The following ZMAT1 variants were observed in gnomAD, a reference collection of about 807,000 sequenced individuals.
ZMAT1 encodes zinc finger matrin-type protein 1.
A neutral mutation model predicts 18.5 loss-of-function variants in ZMAT1; 11 were observed. That is an observed-to-expected ratio of 0.59 (90% CI 0.37 to 0.98). ZMAT1 has a LOEUF of 0.98. Ranked by LOEUF, ZMAT1 falls within the 50% of genes least tolerant of loss-of-function variation. ZMAT1 has a pLI of 0.01. For missense variants in ZMAT1, 525 were observed against 496.2 expected, an observed-to-expected ratio of 1.06 and a Z score of -0.55; for synonymous variants, 211 against 176.4, an observed-to-expected ratio of 1.20 and a Z score of -1.55.
At chrX:101,904,072 C>T in intron 2 of ZMAT1, 152 bp downstream of exon 2, 2 of 406,586 alleles carry the variant, frequency 4.9e-6, no homozygotes, top group Non-Finnish European at 8.5e-6. Context: ...ATTACCATCC[C>T]TTTCTGAGCC....
chrX:101,899,253 A>C (rs1183252999), intron 2 of ZMAT1, among the ~76,000 whole-genome samples: 1 of 111,914 alleles, frequency 8.9e-6, no homozygotes, highest in Non-Finnish European at 1.9e-5. Context: ...TCCTGAGCAC[A>C]TAATGTGAGA....
chrX:101,894,366 G>A, intron 4 of ZMAT1: 4 of 679,066 alleles, frequency 5.9e-6, no homozygotes, highest in Non-Finnish European at 7.0e-6. Flanking sequence ...TAAGGGGAGA[G>A]TAGTATTCAG....
chrX:101,897,721 A>G (rs1259372783), intron 4 of ZMAT1, 147 bp downstream of exon 4: 3 of 481,460 alleles, frequency 6.2e-6, no homozygotes. Context: ...ACAAAGACAG[A>G]CACAGAGATT....
chrX:101,927,817 A>C (rs909222351), intron 1 of ZMAT1, among the ~76,000 whole-genome samples: 3 of 112,280 alleles, frequency 2.7e-5, no homozygotes, highest in Non-Finnish European at 5.6e-5. Flanking sequence ...GATGAGAAAG[A>C]ATCAAAGTTT....
chrX:101,886,493 T>C, intron 5 of ZMAT1, 139 bp downstream of exon 5: 1 of 443,645 alleles, frequency 2.3e-6, no homozygotes, highest in South Asian at 3.7e-5. Flanking sequence ...ATGCAATATG[T>C]TACAAATATT....
chrX:101,931,954 C>A lies in ZMAT1; in HGVS notation c.55G>T (p.Glu19Ter). ...TPLAAESSPQ[E>*]ATVSAASSSS... The stretch of plus-strand genomic sequence containing the variant: ...GAGGAGGCGGCAGAGACGGTAGCTT[C>A]CTGAGGGGAAGACTCCGCCGCCAGC... The change falls in exon 1 of 6, where the codon GAA (glutamate) becomes TAA (stop). Residue 19 changes from glutamate to a stop codon, truncating the protein, a stop_gained. Coordinates refer to ENST00000651725, the MANE Select transcript of ZMAT1 (RefSeq NM_001394560.1). LOFTEE classifies it high-confidence loss of function. The A allele has an allele frequency of 1.3e-6, 1 of 775,685 alleles. No individual in the cohort carries two copies. The highest frequency in any genetic ancestry group is 1.5e-6 in the Non-Finnish European group (1 of 654,016). 63.9% of individuals were successfully genotyped at this position (775,685 alleles called of 1,213,427 possible).
At chrX:101,885,811 G>A (rs1926894777) in intron 5 of ZMAT1, among the ~76,000 whole-genome samples, 1 of 110,545 alleles carries the variant, frequency 9.0e-6, no homozygotes, top group Non-Finnish European at 1.9e-5. Context: ...AGCTACCCAA[G>A]TAGCTGTGAC....
chrX:101,931,408 C>G, intron 1 of ZMAT1: 1 of 744,776 alleles, frequency 1.3e-6, no homozygotes, highest in South Asian at 6.9e-5. Flanking sequence ...GGTGTCCTGG[C>G]TGGGAGAGAA....
intron 1 of ZMAT1, among the ~76,000 whole-genome samples, chrX:101,922,725 CAT>C (rs1157071917): frequency 9.0e-6 from 1 of 111,164 alleles, no homozygotes; most frequent in African/African-American, 3.3e-5. Context: ...ATGTAAGAAA[CAT>C]ATGTCTGATT....
At chrX:101,888,545 A>G (rs1366778646) in intron 4 of ZMAT1, 1 of 111,439 alleles carries the variant, frequency 9.0e-6, no homozygotes, top group Non-Finnish European at 1.9e-5. Context: ...CTAGGAGTGG[A>G]ATTAGGCACC....
chrX:101,904,094 C>T, intron 2 of ZMAT1, 130 bp downstream of exon 2: 1 of 434,252 alleles, frequency 2.3e-6, no homozygotes. Flanking sequence ...ATCTCCTCAT[C>T]CATCAAAGGA....
intron 1 of ZMAT1, 152 bp downstream of exon 1, chrX:101,931,565 G>A (rs1301578578): frequency 5.8e-6 from 4 of 685,733 alleles, no homozygotes; most frequent in Non-Finnish European, 6.8e-6. Context: ...GGGCTAATAC[G>A]GCGGGGCGGG....
chrX:101,913,092 TGTTAA>T (rs750368470), intron 1 of ZMAT1, among the ~76,000 whole-genome samples: 1 of 112,251 alleles, frequency 8.9e-6, no homozygotes, highest in East Asian at 2.8e-4. Flanking sequence ...ATGTAAATAG[TGTTAA>T]GTTGTTAGCA....
intron 1 of ZMAT1, among the ~76,000 whole-genome samples, chrX:101,907,647 T>C (rs755319578): frequency 9.0e-6 from 1 of 111,724 alleles, no homozygotes; most frequent in African/African-American, 3.3e-5. Flanking sequence ...TCAATGAACT[T>C]CAAAAAAATA....
chrX:101,906,654 C>T (rs1928641783), intron 1 of ZMAT1, among the ~76,000 whole-genome samples: 1 of 111,949 alleles, frequency 8.9e-6, no homozygotes, highest in South Asian at 3.8e-4. Context: ...AGGACCATCC[C>T]TGTGTGCCCA....
At chrX:101,899,666 A>G (rs1928081926) in intron 2 of ZMAT1, among the ~76,000 whole-genome samples, 1 of 112,537 alleles carries the variant, frequency 8.9e-6, no homozygotes, top group Non-Finnish European at 1.9e-5. Context: ...GTGGTATTCC[A>G]GTGTATATAT....
At chrX:101,927,652 C>T (rs1203950774) in intron 1 of ZMAT1, among the ~76,000 whole-genome samples, 1 of 112,034 alleles carries the variant, frequency 8.9e-6, no homozygotes, top group African/African-American at 3.2e-5. Flanking sequence ...GCTCAGGGTT[C>T]ATGCTTGTGA....
chrX:101,902,047 T>A (rs981816176), intron 2 of ZMAT1, among the ~76,000 whole-genome samples: 9 of 112,359 alleles, frequency 8.0e-5, no homozygotes, highest in Non-Finnish European at 1.5e-4. Flanking sequence ...ATAAGGAGTG[T>A]GGATTTTCAA....
At chrX:101,929,667 T>C (rs1434602826) in intron 1 of ZMAT1, among the ~76,000 whole-genome samples, 1 of 110,144 alleles carries the variant, frequency 9.1e-6, no homozygotes, top group African/African-American at 3.3e-5. Flanking sequence ...TTATATTTGG[T>C]TTTTCATATG....
Sources: gnomAD v4.1 joint callset for allele counts (sites outside exome capture counted in the v4.1 genomes callset) on GRCh38, gnomAD v4.1.1 for gene constraint, MANE v1.5 for transcripts, NCBI Gene and HGNC (gene_info 2026-07-23, HGNC 2026-07-21) for gene names.